Variants in B4GALNT3 observed in about 807,000 individuals in gnomAD.
B4GALNT3 encodes beta-1,4-N-acetylgalactosaminyltransferase 3.
In B4GALNT3, 86 loss-of-function variants were observed where a neutral mutation model predicts 120.2. That is an observed-to-expected ratio of 0.72 (90% CI 0.60 to 0.86). The LOEUF (loss-of-function observed/expected upper bound fraction) is 0.86. B4GALNT3 is among the 40% of genes least tolerant of loss of function. B4GALNT3 has a pLI of 0.00. For synonymous variants in B4GALNT3, 518 were observed against 510.4 expected (o/e 1.01, Z -0.20); for missense variants, 1,167 against 1,298.9 (o/e 0.90, Z 1.56).
chr12:506,858 G>C (rs921508842), intron 1 of B4GALNT3, among the ~76,000 whole-genome samples: 2 of 152,096 alleles, frequency 1.3e-5, no homozygotes, highest in African/African-American at 4.8e-5. Flanking sequence ...GGATGGTCTC[G>C]ATCTCCTGAC....
chr12:465,954 C>A (rs1296685883), intron 1 of B4GALNT3, among the ~76,000 whole-genome samples: 4 of 144,934 alleles, frequency 2.8e-5, no homozygotes, highest in Admixed American at 7.0e-5. Context: ...ACTCCCTGTT[C>A]TGGGAGTTGA....
At position 460,839 on chromosome 12, in the gene B4GALNT3, C is replaced by T. The variant is rs542470010; in HGVS notation, c.169+294C>T. ...GCGACCCGGAGAGAGGCTCCCCGCC[C>T]GTCCCGCCGAGACGCTGGCGGAGAC... is the stretch of plus-strand genomic sequence containing the variant. On this transcript the variant is annotated intron_variant, in intron 1 of 19. Transcript: ENST00000266383. The surrounding 1 kb of genome is among the most constrained non-coding windows in gnomAD (Gnocchi z 8.0). Among the ~76,000 whole-genome samples, 199 of 152,022 alleles carry T rather than the reference C, an allele frequency of 1.3e-3. 1 individual carries two copies. The highest frequency in any genetic ancestry group is 4.5e-3 in the African/African-American group (188 of 41,524).
In B4GALNT3 at chr12:556,657, G is replaced by T. The variant is rs372632839; in HGVS notation, c.2171G>T (p.Arg724Leu). Residue 724 changes from arginine to leucine, a missense_variant, in exon 15 of 20, where the codon CGG (arginine) becomes CTG (leucine). By Grantham distance (102) the Arg-to-Leu change is moderately radical. Around this residue, in one of 3 missense-constraint regions of B4GALNT3, gnomAD observed 983 missense variants for 1,102.5 expected, o/e 0.89. Transcript: ENST00000266383. ...TTGGAACAAGGCCAGCGCGTGGTGC[G>T]GCTCTCGGAGTATGTGTCTGCACGA... ...ELLEQGQRVV[R>L]LSEYVSARGW... 6.2e-7 allele frequency: 1 copy of T among 1,613,890 alleles called. No homozygotes were observed. Among genetic ancestry groups the T allele is most frequent in the African/African-American group, 1.3e-5 (1 of 74,938 alleles).
In B4GALNT3 at chr12:556,585, G is replaced by C. The variant is rs774931975; in HGVS notation, c.2099G>C (p.Arg700Pro). Residue 700 changes from arginine (R) to proline (P), a missense_variant, in exon 15 of 20, where the codon CGT becomes CCT. Coordinates refer to ENST00000266383, the MANE Select transcript of B4GALNT3 (RefSeq NM_173593.4). ...CAGCGCATTGTGAACGTGGAAAAGC[G>C]TCAGGACCAGCTACGTGGGGGTCGC... is the stretch of plus-strand genomic sequence containing the variant. ...QLQRIVNVEK[R>P]QDQLRGGRYL... is the part of the protein sequence containing the mutation. 1.2e-6 allele frequency: 2 copies of C among 1,614,024 alleles called. No homozygotes were observed. The highest frequency in any genetic ancestry group is 4.5e-5 in the East Asian group (2 of 44,886).
At position 558,702 on chromosome 12, in the gene B4GALNT3, T is replaced by C. The variant is rs1192314253; in HGVS notation, c.2761+41T>C. ...ACTGGGGAGGGAGGAAAGACTTCTC[T>C]GATCTTGGCTCTTAACTCCAGAGCT... On this transcript the variant is annotated intron_variant, in intron 18 of 19. Coordinates refer to ENST00000266383, the MANE Select transcript of B4GALNT3 (RefSeq NM_173593.4). 9 of 1,600,190 alleles carry C rather than the reference T, an allele frequency of 5.6e-6. No homozygotes were observed. In the East Asian group the frequency reaches 1.6e-4, roughly 28 times the overall value.
At chr12:541,838 CT>C (rs1946919769) in intron 3 of B4GALNT3, among the ~76,000 whole-genome samples, 76 of 64,252 alleles carry the variant, frequency 1.2e-3, no homozygotes, top group African/African-American at 2.0e-3. Context: ...AGTCCCCCCC[CT>C]CACCCCCCCC....
At chr12:556,002 C>T (rs557999543) in intron 14 of B4GALNT3, among the ~76,000 whole-genome samples, 1 of 151,296 alleles carries the variant, frequency 6.6e-6, no homozygotes, top group Non-Finnish European at 1.5e-5. Flanking sequence ...CCAGGCTGGT[C>T]TTGATCTCCT....
Position 553,614 on chromosome 12 carries a change from A to T in B4GALNT3, c.1691A>T (p.Gln564Leu). 1 of 1,614,022 alleles carries T rather than the reference A, an allele frequency of 6.2e-7. No homozygotes were observed. The stretch of plus-strand genomic sequence containing the variant: ...CCCAGGAAGACTCAGTGGCTGAACC[A>T]GGTGGAGTCGTACATCGCAGAGCAG... ...DSPRKTQWLN[Q>L]VESYIAEQRR... The change falls in exon 14 of 20, where the codon CAG becomes CTG. Residue 564 changes from glutamine (Q) to leucine (L), a missense_variant. By Grantham distance (113) the Gln-to-Leu change is moderately radical (BLOSUM62 -2). This residue lies in a region of B4GALNT3 where 983 missense variants were observed against 1,102.5 expected (regional missense o/e 0.89). Transcript: ENST00000266383.
chr12:488,718 G>A (rs1281814603), intron 1 of B4GALNT3, among the ~76,000 whole-genome samples: 2 of 152,010 alleles, frequency 1.3e-5, no homozygotes, highest in Non-Finnish European at 2.9e-5. Context: ...TACTTGGGAG[G>A]CAGAGGTGGG....
At chr12:517,291 A>G (rs1345193092) in intron 1 of B4GALNT3, among the ~76,000 whole-genome samples, 1 of 152,198 alleles carries the variant, frequency 6.6e-6, no homozygotes, top group Non-Finnish European at 1.5e-5. Context: ...TAAAGGAAAA[A>G]TGAGGAGCAT....
chr12:534,584 C>T (rs1592045914), intron 1 of B4GALNT3, among the ~76,000 whole-genome samples: 2 of 152,166 alleles, frequency 1.3e-5, no homozygotes, highest in South Asian at 2.1e-4. Flanking sequence ...CGCAGCCTCC[C>T]GGTGACTCCA....
chr12:517,771 A>T (rs918259325), intron 1 of B4GALNT3, among the ~76,000 whole-genome samples: 3 of 152,146 alleles, frequency 2.0e-5, no homozygotes, highest in South Asian at 2.1e-4. Flanking sequence ...TGGGGAAAGC[A>T]TAGGAGAGGC....
intron 3 of B4GALNT3, chr12:543,104 C>G: frequency 7.8e-7 from 1 of 1,289,182 alleles, no homozygotes; most frequent in African/African-American, 1.5e-5. Context: ...ACACCAGCCC[C>G]CTTCCTGCAT....
chr12:561,470 G>GCCCAGCAC lies in B4GALNT3; in HGVS notation c.*20_*27dup. ...GCTGTAGCCGGAGGGTGTCCGCGGG[G>GCCCAGCAC]CCCAGCACTCCCCGCTCTGGACTAG... On this transcript the variant is annotated 3_prime_UTR_variant, in exon 20 of 20. Transcript: ENST00000266383. The GCCCAGCAC allele has an allele frequency of 6.3e-7, 1 of 1,577,140 alleles. No individual in the cohort carries two copies.
At chr12:487,267 G>T (rs543030124) in intron 1 of B4GALNT3, among the ~76,000 whole-genome samples, 1 of 152,110 alleles carries the variant, frequency 6.6e-6, no homozygotes, top group South Asian at 2.1e-4. Context: ...TATTTGAAAC[G>T]ATAGCAACTG....
chr12:504,181 T>A (rs1946471657), intron 1 of B4GALNT3, among the ~76,000 whole-genome samples: 1 of 150,714 alleles, frequency 6.6e-6, no homozygotes. Flanking sequence ...AAGTGAAGGC[T>A]GAGGCAGGAG....
chr12:516,756 C>G (rs1464000696), intron 1 of B4GALNT3, among the ~76,000 whole-genome samples: 1 of 152,116 alleles, frequency 6.6e-6, no homozygotes, highest in Non-Finnish European at 1.5e-5. Context: ...GCCTGACTTA[C>G]ATTTTGGTGG....
chr12:549,891 C>G lies in B4GALNT3; in HGVS notation c.976C>G (p.Pro326Ala). The G allele has an allele frequency of 1.2e-6, 2 of 1,613,114 alleles. No individual in the cohort carries two copies. Among genetic ancestry groups the G allele is most frequent in the South Asian group, 1.1e-5 (1 of 90,990 alleles). ...GCCCGCTGACATGCTTCGGCCTGAC[C>G]CCCGGGACACCCTCTATCGAGGTAA... ...QPPADMLRPD[P>A]RDTLYRVPLI... is the part of the protein sequence containing the mutation. The change falls in exon 10 of 20, where the codon CCC becomes GCC. Residue 326 changes from proline (P) to alanine (A), a missense_variant. Pro to Ala is a conservative substitution (Grantham distance 27). Coordinates refer to ENST00000266383, the MANE Select transcript of B4GALNT3 (RefSeq NM_173593.4).
intron 16 of B4GALNT3, 93 bp from the exon 17 acceptor site, chr12:557,923 G>A: frequency 1.3e-6 from 2 of 1,497,366 alleles, no homozygotes; most frequent in Non-Finnish European, 1.9e-6. Context: ...CATCCCAGGA[G>A]CACACATCAT....
Sources: gnomAD v4.1 joint callset for allele counts (sites outside exome capture counted in the v4.1 genomes callset) on GRCh38, gnomAD v4.1.1 for gene constraint, gnomAD v4.1.1 regional missense constraint, Gnocchi (gnomAD v3.1) non-coding constraint, MANE v1.5 for transcripts, NCBI Gene and HGNC (gene_info 2026-07-23, HGNC 2026-07-21) for gene names.